TAFA5: variants seen among roughly 807,000 people sequenced by gnomAD.
The protein encoded by TAFA5 is TAFA chemokine like family member 5, also known as chemokine-like protein TAFA-5.
TAFA5 carries 6 observed loss-of-function variants against 15.3 expected under a neutral mutation model. The ratio of observed to expected loss-of-function variants is 0.39; its 90% CI spans 0.21 to 0.77. The LOEUF (loss-of-function observed/expected upper bound fraction) is 0.77. TAFA5 is among the 30% of genes least tolerant of loss of function. The pLI is 0.41. For missense variants in TAFA5, 161 were observed against 193.1 expected (o/e 0.83, Z 0.98); for synonymous variants, 103 against 80.7 (o/e 1.28, Z -1.48).
chr22:48,735,873 C>T (rs954407070), intron 3 of TAFA5, among the ~76,000 whole-genome samples: 41 of 54,808 alleles, frequency 7.5e-4, no homozygotes, highest in Admixed American at 1.1e-3. Context: ...GTCCATCCCC[C>T]GCAGGAGGAA....
intron 2 of TAFA5, among the ~76,000 whole-genome samples, chr22:48,649,132 G>C (rs1401094051): frequency 2.0e-5 from 3 of 152,198 alleles, no homozygotes; most frequent in African/African-American, 7.2e-5. Flanking sequence ...CGGGCTCTTG[G>C]CTGAAGGGAG....
At chr22:48,646,847 C>T in intron 2 of TAFA5, 101 bp downstream of exon 2, 7 of 1,384,382 alleles carry the variant, frequency 5.1e-6, no homozygotes, top group Non-Finnish European at 6.8e-6. Context: ...TCCCCCTAGG[C>T]CTCAGCGCAT....
chr22:48,558,173 G>A (rs528046486), intron 1 of TAFA5, among the ~76,000 whole-genome samples: 5 of 152,128 alleles, frequency 3.3e-5, no homozygotes, highest in Non-Finnish European at 7.3e-5. Flanking sequence ...TGCCACCGTC[G>A]CAACATCCCA....
intron 2 of TAFA5, among the ~76,000 whole-genome samples, chr22:48,667,077 C>T (rs1034696037): frequency 7.5e-6 from 1 of 133,086 alleles, no homozygotes; most frequent in Non-Finnish European, 1.6e-5. Context: ...GGTGAGATCC[C>T]TACTTGGAGA....
chr22:48,504,727 C>T (rs1920977107), intron 1 of TAFA5, among the ~76,000 whole-genome samples: 2 of 152,206 alleles, frequency 1.3e-5, no homozygotes, highest in Admixed American at 1.3e-4. Flanking sequence ...GAAAATGAGT[C>T]AAGGTTGTTC....
chr22:48,663,982 A>G (rs931013618), intron 2 of TAFA5, among the ~76,000 whole-genome samples: 24 of 152,266 alleles, frequency 1.6e-4, no homozygotes, highest in African/African-American at 5.3e-4. Flanking sequence ...AAGGAAAGGA[A>G]AAAAATCACA....
Position 48,558,514 on chromosome 22 carries a change from T to C in TAFA5, c.112+68810T>C, listed in dbSNP as rs549779665. Among the ~76,000 whole-genome samples, 9 of 152,220 alleles carry C rather than the reference T, an allele frequency of 5.9e-5. No individual in the cohort carries two copies. In the East Asian group the frequency reaches 1.4e-3, roughly 23 times the overall value. On this transcript the variant is annotated intron_variant, in intron 1 of 3. Coordinates refer to ENST00000402357, the MANE Select transcript of TAFA5 (RefSeq NM_001082967.3). ...CCAATAATGAAGTGATTAAGGAGAG[T>C]TGGGCTCCTGTGGGTGTTTGCCACG... is the stretch of plus-strand genomic sequence containing the variant.
At chr22:48,669,185 G>T (rs1009465923) in intron 2 of TAFA5, among the ~76,000 whole-genome samples, 1 of 152,232 alleles carries the variant, frequency 6.6e-6, no homozygotes, top group African/African-American at 2.4e-5. Context: ...CCCTGGAACT[G>T]GGAGAGAGAA....
At chr22:48,671,430 G>GAGGC (rs1369804159) in intron 2 of TAFA5, among the ~76,000 whole-genome samples, 1 of 152,214 alleles carries the variant, frequency 6.6e-6, no homozygotes, top group Non-Finnish European at 1.5e-5. Context: ...CTGGCTTGCT[G>GAGGC]AGGCAGGCAG....
At chr22:48,564,224 C>T (rs535134631) in intron 1 of TAFA5, among the ~76,000 whole-genome samples, 1 of 152,360 alleles carries the variant, frequency 6.6e-6, no homozygotes, top group South Asian at 2.1e-4. Context: ...CGCCCGCAGC[C>T]TGAGGATGGC....
chr22:48,592,605 C>T (rs1924611087), intron 1 of TAFA5, among the ~76,000 whole-genome samples: 1 of 152,214 alleles, frequency 6.6e-6, no homozygotes, highest in African/African-American at 2.4e-5. Context: ...CTGGGGCGCA[C>T]TCCTCTGCGC....
At chr22:48,651,446 T>C (rs930517466) in intron 2 of TAFA5, among the ~76,000 whole-genome samples, 1 of 152,120 alleles carries the variant, frequency 6.6e-6, no homozygotes, top group Admixed American at 6.6e-5. Flanking sequence ...TGGAGCCTTA[T>C]ATTCTCCAGG....
At chr22:48,609,931 A>G (rs1490051339) in intron 1 of TAFA5, among the ~76,000 whole-genome samples, 3 of 152,176 alleles carry the variant, frequency 2.0e-5, no homozygotes, top group Non-Finnish European at 4.4e-5. Flanking sequence ...TAGTGAGGTC[A>G]CCAGTCATAT....
At chr22:48,555,301 G>C (rs71314862) in intron 1 of TAFA5, among the ~76,000 whole-genome samples, 1 of 152,184 alleles carries the variant, frequency 6.6e-6, no homozygotes, top group Non-Finnish European at 1.5e-5. Flanking sequence ...CAGGTGCCTG[G>C]GCATTCTCCT....
intron 1 of TAFA5, among the ~76,000 whole-genome samples, chr22:48,555,403 G>A (rs758722664): frequency 3.9e-5 from 6 of 152,214 alleles, no homozygotes; most frequent in Non-Finnish European, 7.3e-5. Flanking sequence ...TCCTGCGAGG[G>A]ATTTCCGGGG....
intron 1 of TAFA5, among the ~76,000 whole-genome samples, chr22:48,640,227 G>A (rs1286439707): frequency 9.2e-5 from 14 of 152,186 alleles, no homozygotes; most frequent in Admixed American, 9.2e-4. Flanking sequence ...CCCTCAGCAG[G>A]GCTCCCAGGC....
chr22:48,665,217 A>T (rs949605165), intron 2 of TAFA5, among the ~76,000 whole-genome samples: 1 of 152,060 alleles, frequency 6.6e-6, no homozygotes, highest in Non-Finnish European at 1.5e-5. Context: ...GCTGCTTTTT[A>T]TGAAGTGTTC....
intron 1 of TAFA5, among the ~76,000 whole-genome samples, chr22:48,568,303 A>G (rs1923473955): frequency 6.6e-6 from 1 of 152,160 alleles, no homozygotes. Flanking sequence ...TATCTCTTCT[A>G]TCACCTGCTC....
At chr22:48,695,137 G>A (rs991426028) in intron 2 of TAFA5, among the ~76,000 whole-genome samples, 1 of 152,016 alleles carries the variant, frequency 6.6e-6, no homozygotes, top group Non-Finnish European at 1.5e-5. Flanking sequence ...TCTGCATTGA[G>A]TGCTTGTGCA....
Sources: allele counts gnomAD v4.1 joint callset (sites outside exome capture counted in the v4.1 genomes callset), GRCh38; gene constraint gnomAD v4.1.1; transcripts MANE v1.5; gene names NCBI Gene and HGNC (gene_info 2026-07-23, HGNC 2026-07-21).